Variants in RBFOX1 observed in about 807,000 individuals in gnomAD.
RBFOX1 encodes RNA binding fox-1 homolog 1, also known as RNA binding protein fox-1 homolog 1.
In RBFOX1, 8 loss-of-function variants were observed where a neutral mutation model predicts 57.7. The ratio of observed to expected loss-of-function variants is 0.14; its 90% CI spans 0.08 to 0.25. The LOEUF is 0.25. RBFOX1 is among the 10% of genes least tolerant of loss of function. The probability of loss-of-function intolerance (pLI) is 1.00; values close to 1 mark genes in which losing one functional copy is unlikely to be tolerated. For missense variants in RBFOX1, 611 were observed against 548.5 expected, an observed-to-expected ratio of 1.11 and a Z score of -1.14; for synonymous variants, 326 against 222.4, an observed-to-expected ratio of 1.47 and a Z score of -4.15.
At chr16:6,780,308 T>TATAC (rs2080632437) in intron 3 of RBFOX1, among the ~76,000 whole-genome samples, 1 of 78,122 alleles carries the variant, frequency 1.3e-5, no homozygotes, top group Non-Finnish European at 2.1e-5. Context: ...TATACATATA[T>TATAC]ATATTTATTC....
chr16:6,968,400 T>C (rs1345211129), intron 3 of RBFOX1, among the ~76,000 whole-genome samples: 1 of 152,208 alleles, frequency 6.6e-6, no homozygotes, highest in East Asian at 1.9e-4. Flanking sequence ...TTTAATACTG[T>C]CTTTTTTTCC....
chr16:6,361,817 C>T (rs933272921), intron 2 of RBFOX1, among the ~76,000 whole-genome samples: 1 of 152,118 alleles, frequency 6.6e-6, no homozygotes, highest in Non-Finnish European at 1.5e-5. Context: ...AAATTGAGAA[C>T]CACTGGGCTG....
At chr16:5,631,966 G>A (rs541005140) in intron 3 of RBFOX1, among the ~76,000 whole-genome samples, 8 of 152,286 alleles carry the variant, frequency 5.3e-5, no homozygotes, top group African/African-American at 1.9e-4. Flanking sequence ...GAAAGGTTAA[G>A]CCTCCACCTG....
intron 3 of RBFOX1, among the ~76,000 whole-genome samples, chr16:6,935,500 A>T (rs930193665): frequency 6.6e-6 from 1 of 152,162 alleles, no homozygotes; most frequent in East Asian, 1.9e-4. Flanking sequence ...ATTACATTTC[A>T]GGGTAATTTG....
At chr16:6,073,272 G>C (rs960034815) in intron 1 of RBFOX1, among the ~76,000 whole-genome samples, 23 of 152,158 alleles carry the variant, frequency 1.5e-4, no homozygotes, top group Non-Finnish European at 2.5e-4. Flanking sequence ...ACTCTGATGA[G>C]CAGGTATTAG....
intron 2 of RBFOX1, among the ~76,000 whole-genome samples, chr16:5,483,446 T>A (rs1022995568): frequency 6.6e-6 from 1 of 152,206 alleles, no homozygotes; most frequent in Non-Finnish European, 1.5e-5. Flanking sequence ...AGATGGAAAC[T>A]GGTGTTGCCT....
chr16:5,485,196 A>G (rs1037176077), intron 2 of RBFOX1, among the ~76,000 whole-genome samples: 4 of 151,726 alleles, frequency 2.6e-5, no homozygotes, highest in Admixed American at 2.6e-4. Flanking sequence ...AATACAAAAA[A>G]TTAGCCTGGC....
chr16:7,002,294 C>G (rs28408354), intron 3 of RBFOX1, among the ~76,000 whole-genome samples: 5 of 152,188 alleles, frequency 3.3e-5, no homozygotes, highest in South Asian at 2.1e-4. Flanking sequence ...GCATGTGAGC[C>G]AGTGCATTTT....
chr16:6,149,430 G>A (rs1166767829), intron 1 of RBFOX1, among the ~76,000 whole-genome samples: 1 of 152,200 alleles, frequency 6.6e-6, no homozygotes, highest in Non-Finnish European at 1.5e-5. Context: ...AGAAGTACCC[G>A]TGTATGCTTT....
At position 7,535,800 on chromosome 16, in the gene RBFOX1, CTT is replaced by C. The variant is rs534328869; in HGVS notation, c.270+17415_270+17416del. ...TTAATATTTGGCATAAAGCTATAAA[CTT>C]TTTGAGGGTACCACTGTGCCTTATT... On this transcript the variant is annotated intron_variant, in intron 5 of 15. Transcript: ENST00000550418. Among the ~76,000 whole-genome samples the C allele has an allele frequency of 4.6e-5, 7 of 152,290 alleles. No individual in the cohort carries two copies. The South Asian group carries it at 1.5e-3, about 32-fold the overall frequency.
intron 4 of RBFOX1, among the ~76,000 whole-genome samples, chr16:7,052,918 C>T (rs1457073621): frequency 2.0e-5 from 3 of 152,112 alleles, no homozygotes; most frequent in African/African-American, 7.2e-5. Flanking sequence ...GGACAATGTG[C>T]CTTATAGCCA....
intron 2 of RBFOX1, among the ~76,000 whole-genome samples, chr16:6,561,252 GC>G (rs2097175663): frequency 6.6e-6 from 1 of 152,134 alleles, no homozygotes; most frequent in African/African-American, 2.4e-5. Context: ...GGGGGCAGGG[GC>G]TGTCCACAGC....
chr16:6,648,727 G>C (rs1437592831), intron 2 of RBFOX1, among the ~76,000 whole-genome samples: 1 of 152,180 alleles, frequency 6.6e-6, no homozygotes, highest in Non-Finnish European at 1.5e-5. Flanking sequence ...CACCTGGTCA[G>C]AACAGGCAGA....
At chr16:7,254,772 T>C (rs1417969543) in intron 4 of RBFOX1, among the ~76,000 whole-genome samples, 1 of 152,172 alleles carries the variant, frequency 6.6e-6, no homozygotes, top group Middle Eastern at 3.2e-3. Flanking sequence ...TTATTGCTCA[T>C]ACCTAGAAGG....
chr16:7,353,428 G>C (rs1212609902), intron 4 of RBFOX1, among the ~76,000 whole-genome samples: 2 of 152,284 alleles, frequency 1.3e-5, no homozygotes, highest in East Asian at 1.9e-4. Context: ...AAATTACTCA[G>C]TTATTATGAC....
intron 4 of RBFOX1, among the ~76,000 whole-genome samples, chr16:7,447,245 A>G (rs1397832658): frequency 6.6e-6 from 1 of 151,888 alleles, no homozygotes; most frequent in Admixed American, 6.6e-5. Flanking sequence ...CAGCCTGGCC[A>G]ACATGGGGAA....
chr16:7,175,097 T>C (rs1026335308), intron 4 of RBFOX1, among the ~76,000 whole-genome samples: 4 of 152,094 alleles, frequency 2.6e-5, no homozygotes, highest in Admixed American at 6.6e-5. Flanking sequence ...GTTTGTTACA[T>C]AGGTAAATGT....
chr16:7,589,991 C>T (rs893189688), intron 7 of RBFOX1, among the ~76,000 whole-genome samples: 4 of 149,904 alleles, frequency 2.7e-5, no homozygotes, highest in Non-Finnish European at 5.9e-5. Context: ...AAGGGATGGA[C>T]GCAGTGTCTC....
chr16:5,442,679 T>G (rs997556167), intron 1 of RBFOX1, among the ~76,000 whole-genome samples: 3 of 152,206 alleles, frequency 2.0e-5, no homozygotes, highest in Non-Finnish European at 4.4e-5. Context: ...ATCCCTTTAC[T>G]GAGCCCTGCT....
Sources: allele counts gnomAD v4.1 joint callset (sites outside exome capture counted in the v4.1 genomes callset), GRCh38; gene constraint gnomAD v4.1.1; transcripts MANE v1.5; gene names NCBI Gene and HGNC (gene_info 2026-07-23, HGNC 2026-07-21).